Variants in NDST1 observed in about 807,000 individuals in gnomAD.
The protein encoded by NDST1 is bifunctional heparan sulfate N-deacetylase/N-sulfotransferase 1.
Under a neutral mutation model 92.8 loss-of-function variants are expected in NDST1, and 35 were observed. That is an observed-to-expected ratio of 0.38 (90% CI 0.29 to 0.50). The LOEUF (loss-of-function observed/expected upper bound fraction) is 0.50, where lower values mean the gene tolerates loss of function less well. Ranked by LOEUF, NDST1 falls within the 20% of genes least tolerant of loss-of-function variation. NDST1 has a pLI of 0.94. For synonymous variants in NDST1, 493 were observed against 500.3 expected, an observed-to-expected ratio of 0.99 and a Z score of 0.19; for missense variants, 822 against 1,182.7, an observed-to-expected ratio of 0.69 and a Z score of 4.47.
At chr5:150,551,570 C>A (rs186635482) in intron 13 of NDST1, among the ~76,000 whole-genome samples, 183 bp from the exon 14 acceptor site, 2 of 152,162 alleles carry the variant, frequency 1.3e-5, no homozygotes, top group Non-Finnish European at 2.9e-5. Context: ...AGGACAGGCA[C>A]GTTTAGTGCA....
At position 150,521,174 on chromosome 5, in the gene NDST1, T is replaced by C; in HGVS notation, c.-81T>C. ...TGTGAATTTGTTGGTCAGTGGACGATTCTCGTGTCTCCTCCTGTGTGGGGC... is the reference window on the plus strand; with the variant it reads ...TGTGAATTTGTTGGTCAGTGGACGACTCTCGTGTCTCCTCCTGTGTGGGGC... On this transcript the variant is annotated 5_prime_UTR_variant, in exon 2 of 15. Coordinates refer to ENST00000261797, the MANE Select transcript of NDST1 (RefSeq NM_001543.5). This position sits in a 1 kb window ranked among gnomAD's most constrained non-coding sequence, Gnocchi z 5.9. 3 of 1,319,922 alleles carry C rather than the reference T, an allele frequency of 2.3e-6. No individual in the cohort carries two copies. The highest frequency in any genetic ancestry group is 3.1e-6 in the Non-Finnish European group (3 of 958,494). The allele number at this position is 1,319,922 out of a possible 1,614,324, so 81.8% of individuals were successfully genotyped here. A position where few individuals can be genotyped will look rare whatever the true frequency, so the allele number is the denominator to read the frequency against.
At chr5:150,532,847 G>T in intron 3 of NDST1, 98 bp from the exon 4 acceptor site, 1 of 1,112,962 alleles carries the variant, frequency 9.0e-7, no homozygotes, top group South Asian at 1.2e-5. Context: ...TATAATTTTT[G>T]AACAAGGGAT....
upstream of NDST1, chr5:150,508,077 C>T (rs376860315): frequency 6.6e-6 from 1 of 152,488 alleles, no homozygotes; most frequent in East Asian, 1.9e-4. Flanking sequence ...TCCCTTGCTT[C>T]TGCCTTCCCT....
Position 150,540,268 on chromosome 5 carries a change from G to A in NDST1, c.1749+4G>A. On this transcript the variant is annotated splice_donor_region_variant and intron_variant, in intron 8 of 14. Coordinates refer to ENST00000261797, the MANE Select transcript of NDST1 (RefSeq NM_001543.5). ...GGAGAAGGACCCGCTCTGGCAGGTGGGGGGCTGGGCAGCCTGGGCAGGTTG... is the reference window on the plus strand; with the variant it reads ...GGAGAAGGACCCGCTCTGGCAGGTGAGGGGCTGGGCAGCCTGGGCAGGTTG... The A allele has an allele frequency of 1.3e-6, 2 of 1,599,738 alleles. No homozygotes were observed. The highest frequency in any genetic ancestry group is 1.7e-6 in the Non-Finnish European group (2 of 1,171,122).
chr5:150,528,549 G>C (rs1157416161), intron 3 of NDST1, among the ~76,000 whole-genome samples: 1 of 152,042 alleles, frequency 6.6e-6, no homozygotes, highest in African/African-American at 2.4e-5. Flanking sequence ...CCAGCACTTT[G>C]GGAGGCTGAG....
intron 10 of NDST1, 84 bp from the exon 11 acceptor site, chr5:150,545,228 C>A: frequency 6.7e-7 from 1 of 1,493,082 alleles, no homozygotes; most frequent in Non-Finnish European, 9.3e-7. Context: ...ACATTCTACC[C>A]CAGTGCCTCG....
rs1753205813 is a variant in NDST1 at position 150,501,037 on chromosome 5, G to A, written c.-388+2798G>A. 2.6e-5 allele frequency among the ~76,000 whole-genome samples: 4 copies of A among 152,220 alleles called. No individual in the cohort carries two copies. The South Asian group carries it at 6.2e-4, about 24-fold the overall frequency. The stretch of plus-strand genomic sequence containing the variant: ...ATCGTCACAGCCACCCCGGAGGCAT[G>A]AAACCGGTTGGGTGTGCAAATTACC... On this transcript the variant is annotated intron_variant, in intron 1 of 1. Coordinates refer to the NDST1 transcript ENST00000518299.
intron 1 of NDST1, among the ~76,000 whole-genome samples, chr5:150,516,557 A>G (rs1244729379): frequency 6.6e-6 from 1 of 152,192 alleles, no homozygotes; most frequent in African/African-American, 2.4e-5. Context: ...TTAGTTTTGA[A>G]TCGAAGCCAC....
intron 1 of NDST1, among the ~76,000 whole-genome samples, chr5:150,516,166 T>C (rs1454997723): frequency 6.6e-6 from 1 of 152,246 alleles, no homozygotes. Context: ...CAGCCCTGGC[T>C]GCCTGGCCCT....
chr5:150,510,044 G>A (rs1238958534), intron 1 of NDST1, among the ~76,000 whole-genome samples: 1 of 139,878 alleles, frequency 7.1e-6, no homozygotes, highest in African/African-American at 2.6e-5. Context: ...CTGCAGAAGG[G>A]TAACGAACAG....
chr5:150,529,195 C>T (rs1754606070), intron 3 of NDST1, among the ~76,000 whole-genome samples: 1 of 151,842 alleles, frequency 6.6e-6, no homozygotes, highest in Non-Finnish European at 1.5e-5. Context: ...AGTTTGAGAC[C>T]AGCTTGAGCA....
chr5:150,536,767 G>A (rs748579155), intron 6 of NDST1, among the ~76,000 whole-genome samples: 6 of 152,150 alleles, frequency 3.9e-5, no homozygotes, highest in Non-Finnish European at 7.4e-5. Flanking sequence ...GTTTCTCCAT[G>A]TTGGTCAGGC....
chr5:150,551,396 T>TA lies in NDST1; in HGVS notation c.2427-345dup, dbSNP rs796458753. 2.4e-3 allele frequency among the ~76,000 whole-genome samples: 350 copies of TA among 145,282 alleles called. 2 individuals carry two copies. Among genetic ancestry groups the TA allele is most frequent in the African/African-American group, 6.6e-3 (261 of 39,754 alleles). On this transcript the variant is annotated intron_variant, in intron 13 of 14. Coordinates refer to ENST00000261797, the MANE Select transcript of NDST1 (RefSeq NM_001543.5). ...AGGGGTAAAGAAGGCTTCTTGGGTT[T>TA]AAAAAAAAAAAAGAGTTACTCAGCA...
At chr5:150,500,760 G>C (rs2151233975) in intron 1 of NDST1, among the ~76,000 whole-genome samples, 1 of 152,358 alleles carries the variant, frequency 6.6e-6, no homozygotes, top group Admixed American at 6.5e-5. Context: ...GTGGCAGGCA[G>C]GCTGAAACAT....
In NDST1 at chr5:150,501,060, A is replaced by G. The variant is rs146383053; in HGVS notation, c.-388+2821A>G. On this transcript the variant is annotated intron_variant, in intron 1 of 1. Coordinates refer to the NDST1 transcript ENST00000518299. The stretch of plus-strand genomic sequence containing the variant: ...ATGAAACCGGTTGGGTGTGCAAATT[A>G]CCCCTCAAACATTCTCCATCCCATT... Among the ~76,000 whole-genome samples, 683 of 151,962 alleles carry G rather than the reference A, an allele frequency of 4.5e-3. 6 individuals carry two copies. Among genetic ancestry groups the G allele is most frequent in the Middle Eastern group, 0.01 (3 of 292 alleles).
intron 1 of NDST1, among the ~76,000 whole-genome samples, chr5:150,518,140 C>G (rs1209507514): frequency 1.2e-4 from 18 of 152,182 alleles, no homozygotes; most frequent in Admixed American, 1.2e-3. Flanking sequence ...GCTCTTATCT[C>G]CAAGCTGTGG....
chr5:150,532,861 C>T, intron 3 of NDST1, 84 bp from the exon 4 acceptor site: 1 of 1,239,928 alleles, frequency 8.1e-7, no homozygotes, highest in South Asian at 1.2e-5. Context: ...AAGGGATTTC[C>T]ACGTTTTTTC....
rs1363927819 is a variant in NDST1 at position 150,550,472 on chromosome 5, T to TACTCAC, written c.2426+685_2426+686insACTCAC. ...ATAACCGTACTCACTCAGAACCTGG[T>TACTCAC]GCAAGTGCGTTGAGAATGCCCTCCC... On this transcript the variant is annotated intron_variant, in intron 13 of 14. Coordinates refer to ENST00000261797, the MANE Select transcript of NDST1 (RefSeq NM_001543.5). 4 of 154,190 alleles carry TACTCAC rather than the reference T, an allele frequency of 2.6e-5. No homozygotes were observed. The East Asian group carries it at 7.7e-4, about 30-fold the overall frequency. The allele number at this position is 154,190 out of a possible 1,614,324, so 9.6% of individuals were successfully genotyped here.
At position 150,543,928 on chromosome 5, in the gene NDST1, C is replaced by T. The variant is rs191427438; in HGVS notation, c.1970+957C>T. On this transcript the variant is annotated intron_variant, in intron 10 of 14. Coordinates refer to ENST00000261797, the MANE Select transcript of NDST1 (RefSeq NM_001543.5). ...CCAAGTAGCTGGGACTACAGGTGCCCGCCACCATGCCTGGCTAATTTTTGT... is the reference window on the plus strand; with the variant it reads ...CCAAGTAGCTGGGACTACAGGTGCCTGCCACCATGCCTGGCTAATTTTTGT... 6.3e-4 allele frequency among the ~76,000 whole-genome samples: 96 copies of T among 152,188 alleles called. 1 individual carries two copies. The East Asian group carries it at 0.015, about 24-fold the overall frequency.
Sources: gnomAD v4.1 joint callset for allele counts (sites outside exome capture counted in the v4.1 genomes callset) on GRCh38, gnomAD v4.1.1 for gene constraint, Gnocchi (gnomAD v3.1) non-coding constraint, MANE v1.5 for transcripts, NCBI Gene and HGNC (gene_info 2026-07-23, HGNC 2026-07-21) for gene names.